The following ZNF66 variants were observed in gnomAD, a reference collection of about 807,000 sequenced individuals.
ZNF66 encodes the protein putative zinc finger protein 66.
Under a neutral mutation model 35.2 loss-of-function variants are expected in ZNF66, and 32 were observed. The ratio of observed to expected loss-of-function variants is 0.91; its 90% CI spans 0.69 to 1.22. The LOEUF (loss-of-function observed/expected upper bound fraction) is 1.22. Among genes scored for constraint, ZNF66 ranks in the 50% most tolerant of loss-of-function variants. The pLI is 0.00. For missense variants in ZNF66, 666 were observed against 543.1 expected (o/e 1.23, Z -2.25); for synonymous variants, 231 against 181.3 (o/e 1.27, Z -2.20).
chr19:20,777,100 G>A (rs949759122), intron 1 of ZNF66, among the ~76,000 whole-genome samples: 9 of 129,766 alleles, frequency 6.9e-5, no homozygotes, highest in Admixed American at 6.2e-4. Context: ...GGGCGACAGA[G>A]CAAGACTCTT....
chr19:20,794,255 T>G (rs1337494527), intron 3 of ZNF66: 1 of 215,224 alleles, frequency 4.6e-6, no homozygotes, highest in Non-Finnish European at 9.2e-6. Context: ...GTTTTCTTTT[T>G]GTATCCGGTC....
chr19:20,793,322 CTTTTCT>C (rs1210154468), intron 2 of ZNF66, among the ~76,000 whole-genome samples: 2 of 63,406 alleles, frequency 3.2e-5, no homozygotes, highest in African/African-American at 5.6e-5. Context: ...CTTTTCTTTT[CTTTTCT>C]TTTCTTTTTT....
At chr19:20,802,428 A>C (rs140058848) in intron 3 of ZNF66, among the ~76,000 whole-genome samples, 1 of 152,190 alleles carries the variant, frequency 6.6e-6, no homozygotes, top group Non-Finnish European at 1.5e-5. Flanking sequence ...CACTGCACAC[A>C]GCCCAGTTTT....
In ZNF66 at chr19:20,778,176, C is replaced by T. The variant is rs563765986; in HGVS notation, c.3+1726C>T. Among the ~76,000 whole-genome samples the T allele has an allele frequency of 8.5e-5, 13 of 152,182 alleles. No individual in the cohort carries two copies. The South Asian group carries it at 1.9e-3, about 22-fold the overall frequency. On this transcript the variant is annotated intron_variant, in intron 1 of 3. Coordinates refer to ENST00000344519, the MANE Select transcript of ZNF66 (RefSeq NM_001355197.2). ...AGTGCAGTGGCGTGATCTCGGCTCA[C>T]GCAACCTCTGCCTCCCAGGTTCAAG... is the stretch of plus-strand genomic sequence containing the variant.
intron 1 of ZNF66, among the ~76,000 whole-genome samples, chr19:20,789,551 GT>G (rs2144899251): frequency 6.6e-6 from 1 of 152,288 alleles, no homozygotes; most frequent in African/African-American, 2.4e-5. Flanking sequence ...AGATCCAGTA[GT>G]TGCTCCATAA....
intron 3 of ZNF66, among the ~76,000 whole-genome samples, chr19:20,803,538 T>C (rs1971471387): frequency 6.6e-6 from 1 of 152,116 alleles, no homozygotes; most frequent in Non-Finnish European, 1.5e-5. Context: ...ATTTTTTATG[T>C]TTGTATATTC....
At position 20,807,462 on chromosome 19, in the gene ZNF66, A is replaced by G. The variant is rs576644122; in HGVS notation, c.*140A>G. ...TTTATGGAACACAAACACTACAAAT[A>G]TAAAGAATGTGACAAAGCTTTTAGG... On this transcript the variant is annotated 3_prime_UTR_variant, in exon 4 of 4. Coordinates refer to ENST00000344519, the MANE Select transcript of ZNF66 (RefSeq NM_001355197.2). 3.6e-5 allele frequency: 19 copies of G among 532,560 alleles called. No homozygotes were observed. The highest frequency in any genetic ancestry group is 2.6e-4 in the South Asian group (8 of 30,794). The allele number at this position is 532,560 out of a possible 1,614,324, so 33.0% of individuals were successfully genotyped here.
Position 20,808,329 on chromosome 19 carries a change from C to T in ZNF66, c.*1007C>T, listed in dbSNP as rs1971547166. The stretch of plus-strand genomic sequence containing the variant: ...CCTCTGCAGACTTAAACGTCCCTGT[C>T]TGACAGCTTTGAAGAGAGTAGTGGT... On this transcript the variant is annotated 3_prime_UTR_variant, in exon 4 of 4. Coordinates refer to ENST00000344519, the MANE Select transcript of ZNF66 (RefSeq NM_001355197.2). Among the ~76,000 whole-genome samples, 1 of 152,226 alleles carries T rather than the reference C, an allele frequency of 6.6e-6. No individual in the cohort carries two copies. Among genetic ancestry groups the T allele is most frequent in the African/African-American group, 2.4e-5 (1 of 41,460 alleles).
rs556097789 is a variant in ZNF66, at chr19:20,806,624, A to C, written c.1024A>C (p.Lys342Gln). 6.3e-7 allele frequency: 1 copy of C among 1,588,380 alleles called. No individual in the cohort carries two copies. The highest frequency in any genetic ancestry group is 2.2e-5 in the East Asian group (1 of 44,748). Reference sequence around the variant, plus strand: ...AATTCATACTGGAGAGAAACCCTACAAATGTGAAGAATGTGGCAAAGGCTT... The same window carrying C: ...AATTCATACTGGAGAGAAACCCTACCAATGTGAAGAATGTGGCAAAGGCTT... ...KRIHTGEKPY[K>Q]CEECGKGFKY... is the part of the protein sequence containing the mutation. Residue 342 changes from lysine (K) to glutamine (Q), a missense_variant, in exon 4 of 4, where the codon AAA (lysine) becomes CAA (glutamine). Transcript: ENST00000344519.
At chr19:20,791,790 A>G (rs1465819757) in intron 1 of ZNF66, among the ~76,000 whole-genome samples, 1 of 152,192 alleles carries the variant, frequency 6.6e-6, no homozygotes, top group African/African-American at 2.4e-5. Context: ...TAGTGCAGTT[A>G]ATGGTTAATG....
Position 20,807,119 on chromosome 19 carries a change from A to G in ZNF66, c.1519A>G (p.Lys507Glu), listed in dbSNP as rs112321485. 16 of 795,792 alleles carry G rather than the reference A, an allele frequency of 2.0e-5. 1 individual carries two copies. The African/African-American group carries it at 2.0e-4, about 10-fold the overall frequency. The allele number at this position is 795,792 out of a possible 1,614,324, so 49.3% of individuals were successfully genotyped here. A position where few individuals can be genotyped will look rare whatever the true frequency, so the allele number is the denominator to read the frequency against. ...TTHKRIHTAD[K>E]PYKCEECGKD... ...ACATAAGAGAATTCATACTGCAGAT[A>G]AACCCTACAAATGTGAAGAATGTGG... The change falls in exon 4 of 4, where the codon AAA becomes GAA. Residue 507 changes from lysine (K) to glutamate (E), a missense_variant. Physicochemically the swap from Lys to Glu is moderately conservative, Grantham distance 56 (BLOSUM62 1). Transcript: ENST00000344519.
At chr19:20,787,022 A>T (rs1971292875) in intron 1 of ZNF66, among the ~76,000 whole-genome samples, 1 of 152,134 alleles carries the variant, frequency 6.6e-6, no homozygotes, top group Admixed American at 6.5e-5. Flanking sequence ...CGGCCTCCCA[A>T]AGTGCTGGGA....
At chr19:20,793,359 C>A in intron 2 of ZNF66, among the ~76,000 whole-genome samples, 1 of 107,528 alleles carries the variant, frequency 9.3e-6, no homozygotes, top group South Asian at 3.2e-4. Context: ...GAGACAGAGT[C>A]TCACTCTGTT....
Position 20,807,285 on chromosome 19 carries a change from G to T in ZNF66, c.1685G>T (p.Gly562Val). Reference protein sequence around the residue: ...LSRHEIIHMGGNPYKCENVAK... With the variant: ...LSRHEIIHMGVNPYKCENVAK... ...AGACATGAGATAATTCATATGGGAG[G>T]GAATCCCTACAAATGTGAAAATGTG... The change falls in exon 4 of 4, where the codon GGG (glycine) becomes GTG (valine). Residue 562 changes from glycine to valine, a missense_variant. By Grantham distance (109) the Gly-to-Val change is moderately radical. Transcript: ENST00000344519. 1.5e-6 allele frequency: 1 copy of T among 658,588 alleles called. No homozygotes were observed. The highest frequency in any genetic ancestry group is 2.7e-6 in the Non-Finnish European group (1 of 366,472). 40.8% of individuals were successfully genotyped at this position (658,588 alleles called of 1,614,324 possible). A position where few individuals can be genotyped will look rare whatever the true frequency, so the allele number is the denominator to read the frequency against.
intron 1 of ZNF66, among the ~76,000 whole-genome samples, chr19:20,778,713 G>A (rs1971217958): frequency 6.6e-6 from 1 of 151,458 alleles, no homozygotes; most frequent in Admixed American, 6.6e-5. Context: ...AACCCGGGAG[G>A]TGGAGGTTGC....
intron 1 of ZNF66, among the ~76,000 whole-genome samples, chr19:20,785,511 C>T (rs1176239029): frequency 6.6e-6 from 1 of 152,152 alleles, no homozygotes; most frequent in African/African-American, 2.4e-5. Context: ...ATTCCATCTC[C>T]AGGTGATTTT....
rs772947311 is a variant in ZNF66, at chr19:20,806,922, C to A, written c.1322C>A (p.Thr441Asn). 1.7e-6 allele frequency: 2 copies of A among 1,191,432 alleles called. No individual in the cohort carries two copies. Among genetic ancestry groups the A allele is most frequent in the South Asian group, 1.2e-5 (1 of 82,076 alleles). The allele number at this position is 1,191,432 out of a possible 1,614,324, so 73.8% of individuals were successfully genotyped here. The stretch of plus-strand genomic sequence containing the variant: ...GCCTTCAGTCGGTCCTCTATTCTTA[C>A]TACACATAAGATAATTCACACTGGA... ...GKAFSRSSIL[T>N]THKIIHTGEK... is the part of the protein sequence containing the mutation. The change falls in exon 4 of 4, where the codon ACT becomes AAT. Residue 441 changes from threonine to asparagine, a missense_variant. By Grantham distance (65) the Thr-to-Asn change is moderately conservative. Transcript: ENST00000344519.
Position 20,805,946 on chromosome 19 carries a change from G to T in ZNF66, c.346G>T (p.Gly116Cys), listed in dbSNP as rs747999487. ...ACATGATAATTTGCAGTTAAAAAAA[G>T]GCTGTGAAAGTGTGGATAAGTGTAA... ...CGHDNLQLKK[G>C]CESVDKCKVH... is the part of the protein sequence containing the mutation. The change falls in exon 4 of 4, where the codon GGC becomes TGC. Residue 116 changes from glycine to cysteine, a missense_variant. Gly to Cys is a radical substitution (Grantham distance 159). Coordinates refer to ENST00000344519, the MANE Select transcript of ZNF66 (RefSeq NM_001355197.2). The T allele has an allele frequency of 2.9e-6, 2 of 695,720 alleles. No individual in the cohort carries two copies. Among genetic ancestry groups the T allele is most frequent in the South Asian group, 1.9e-5 (1 of 53,418 alleles). The allele number at this position is 695,720 out of a possible 1,614,324, so 43.1% of individuals were successfully genotyped here.
Position 20,807,686 on chromosome 19 carries a change from T to C in ZNF66, c.*364T>C, listed in dbSNP as rs1971536780. On this transcript the variant is annotated 3_prime_UTR_variant, in exon 4 of 4. Transcript: ENST00000344519. ...ACCTCTGCCTCCCGGGTTCAAGCCA[T>C]TTTCCTGCCTCAGCTTGTCTAGTAG... Among the ~76,000 whole-genome samples the C allele has an allele frequency of 1.3e-5, 2 of 151,956 alleles. No homozygotes were observed. Among genetic ancestry groups the C allele is most frequent in the Admixed American group, 1.3e-4 (2 of 15,264 alleles).
Sources: allele counts gnomAD v4.1 joint callset (sites outside exome capture counted in the v4.1 genomes callset), GRCh38; gene constraint gnomAD v4.1.1; transcripts MANE v1.5; gene names NCBI Gene and HGNC (gene_info 2026-07-23, HGNC 2026-07-21).